Variants in SMARCA2 observed in about 807,000 individuals in gnomAD.
The protein encoded by SMARCA2 is SWI/SNF-related matrix-associated actin-dependent regulator of chromatin subfamily A member 2.
SMARCA2 carries 61 observed loss-of-function variants against 199.8 expected under a neutral mutation model. That is an observed-to-expected ratio of 0.31 (90% CI 0.25 to 0.38). The LOEUF is 0.38. SMARCA2 is among the 10% of genes least tolerant of loss of function. The pLI, the probability that SMARCA2 is intolerant of heterozygous loss-of-function variation, is 1.00. For missense variants in SMARCA2, 1,344 were observed against 2,012.2 expected, an observed-to-expected ratio of 0.67 and a Z score of 6.35; for synonymous variants, 935 against 732.0, an observed-to-expected ratio of 1.28 and a Z score of -4.48.
At chr9:2,019,793 G>T (rs1417147370) in intron 1 of SMARCA2, among the ~76,000 whole-genome samples, 1 of 151,146 alleles carries the variant, frequency 6.6e-6, no homozygotes, top group Non-Finnish European at 1.5e-5. Context: ...TATAAAAGTG[G>T]TGCTGTCCTC....
intron 32 of SMARCA2, 144 bp from the exon 33 acceptor site, chr9:2,191,122 C>T (rs1036844529): frequency 3.9e-6 from 3 of 767,682 alleles, no homozygotes; most frequent in African/African-American, 1.8e-5. Flanking sequence ...CTAGACAGAA[C>T]CACACAGAAC....
intron 26 of SMARCA2, among the ~76,000 whole-genome samples, chr9:2,121,975 A>C (rs1823480496): frequency 6.6e-6 from 1 of 152,230 alleles, no homozygotes; most frequent in Non-Finnish European, 1.5e-5. Context: ...TTATTCACAA[A>C]GTAACTAAAT....
At chr9:2,140,124 A>T (rs1394296751) in intron 27 of SMARCA2, among the ~76,000 whole-genome samples, 1 of 152,206 alleles carries the variant, frequency 6.6e-6, no homozygotes, top group Admixed American at 6.5e-5. Context: ...TGCATAGACC[A>T]AGACCAAGAG....
At chr9:2,053,819 A>G (rs1481253217) in intron 5 of SMARCA2, among the ~76,000 whole-genome samples, 10 of 152,194 alleles carry the variant, frequency 6.6e-5, no homozygotes, top group African/African-American at 2.4e-4. Context: ...TCCCAAGTGA[A>G]TGGCTAAAGT....
rs1390068771 is a variant in SMARCA2 at position 2,115,965 on chromosome 9, G to A, written c.3600G>A (p.Gln1200=). ...YKLNVDQKVI[Q]AGMFDQKSSS... is the part of the protein sequence containing the mutation. Reference sequence around the variant, plus strand: ...TGAACGTGGATCAGAAAGTGATCCAGGCGGGCATGTTTGACCAAAAGTCTT... The same window carrying A: ...TGAACGTGGATCAGAAAGTGATCCAAGCGGGCATGTTTGACCAAAAGTCTT... The change falls in exon 25 of 34, where the codon CAG becomes CAA. Residue 1200 remains glutamine (Q), a synonymous_variant. Transcript: ENST00000349721. The surrounding 1 kb of genome is among the most constrained non-coding windows in gnomAD (Gnocchi z 6.0). 6.2e-7 allele frequency: 1 copy of A among 1,614,142 alleles called. No homozygotes were observed. Among genetic ancestry groups the A allele is most frequent in the Admixed American group, 1.7e-5 (1 of 60,024 alleles).
At chr9:2,097,202 A>G in intron 20 of SMARCA2, 183 bp from the exon 21 acceptor site, 1 of 539,710 alleles carries the variant, frequency 1.9e-6, no homozygotes, top group Non-Finnish European at 3.3e-6. Flanking sequence ...TAATCACAAG[A>G]AAGACATTAT....
chr9:2,041,841 A>G (rs1357100061), intron 4 of SMARCA2: 1 of 154,024 alleles, frequency 6.5e-6, no homozygotes, highest in Non-Finnish European at 1.4e-5. Context: ...GATAGAAGAA[A>G]AAAGCACGTA....
chr9:2,102,675 C>G (rs1287007658), intron 22 of SMARCA2, among the ~76,000 whole-genome samples: 2 of 152,190 alleles, frequency 1.3e-5, no homozygotes, highest in African/African-American at 4.8e-5. Flanking sequence ...TCTTCTGCAT[C>G]TCATACTCCC....
rs1825006734 is a variant in SMARCA2 at position 2,150,501 on chromosome 9, G to A, written c.3982-11185G>A. The stretch of plus-strand genomic sequence containing the variant: ...GGCAGCGCAGGCAGCAGATGCTGTG[G>A]GTGGGGCAGTTTCCCTTAGATTATA... On this transcript the variant is annotated intron_variant, in intron 27 of 33. Transcript: ENST00000349721. 2.0e-5 allele frequency among the ~76,000 whole-genome samples: 3 copies of A among 151,564 alleles called. 1 individual carries two copies. Among genetic ancestry groups the A allele is most frequent in the Non-Finnish European group, 4.4e-5 (3 of 67,706 alleles).
intron 18 of SMARCA2, among the ~76,000 whole-genome samples, chr9:2,087,541 C>T (rs1052592772): frequency 6.6e-6 from 1 of 152,016 alleles, no homozygotes; most frequent in Non-Finnish European, 1.5e-5. Flanking sequence ...TTTCTGCAGA[C>T]CTTTTTTTTT....
intron 27 of SMARCA2, among the ~76,000 whole-genome samples, chr9:2,142,288 C>T (rs1317974850): frequency 6.6e-6 from 1 of 152,132 alleles, no homozygotes; most frequent in African/African-American, 2.4e-5. Context: ...AATCAGACAA[C>T]GTCAAGCAAA....
chr9:2,029,336 T>G, intron 2 of SMARCA2, 89 bp downstream of exon 2: 2 of 1,514,550 alleles, frequency 1.3e-6, no homozygotes, highest in African/African-American at 1.4e-5. Flanking sequence ...CTACTGTTGT[T>G]AACAAGAAAA....
Position 2,080,333 on chromosome 9 carries a change from C to T in SMARCA2, c.2185-1499C>T, listed in dbSNP as rs573716767. Among the ~76,000 whole-genome samples the T allele has an allele frequency of 3.3e-5, 5 of 152,338 alleles. No individual in the cohort carries two copies. In the East Asian group the frequency reaches 7.7e-4, roughly 23 times the overall value. ...TTCCAGCCTGAGAAAATCCAAATTA[C>T]TTCCCACAATTTTTGTGAATTTCTA... is the stretch of plus-strand genomic sequence containing the variant. On this transcript the variant is annotated intron_variant, in intron 14 of 33. Transcript: ENST00000349721.
Position 2,097,533 on chromosome 9 carries a change from AAAAC to A in SMARCA2, c.3078+72_3078+75del, listed in dbSNP as rs900222469. On this transcript the variant is annotated intron_variant, in intron 21 of 33. Transcript: ENST00000349721. ...TAATCATACTAATGCTAGTTAAAAA[AAAAC>A]AAACAAACAGGAAAAAAAAAAACCA... The A allele has an allele frequency of 2.0e-4, 205 of 1,031,476 alleles. 1 individual carries two copies. The highest frequency in any genetic ancestry group is 3.8e-4 in the Admixed American group (17 of 44,224). The allele number at this position is 1,031,476 out of a possible 1,614,324, so 63.9% of individuals were successfully genotyped here.
intron 27 of SMARCA2, among the ~76,000 whole-genome samples, chr9:2,143,830 C>T (rs539280498): frequency 6.6e-5 from 10 of 152,160 alleles, no homozygotes; most frequent in South Asian, 4.1e-4. Flanking sequence ...CAAAAAGAAG[C>T]GCAGGCTAGA....
chr9:2,124,632 G>A (rs1012184564), intron 27 of SMARCA2, among the ~76,000 whole-genome samples: 2 of 152,150 alleles, frequency 1.3e-5, no homozygotes, highest in Non-Finnish European at 2.9e-5. Context: ...CCTGGGACTC[G>A]GGTCACCGAT....
chr9:2,036,632 G>A (rs1000873618), intron 3 of SMARCA2, among the ~76,000 whole-genome samples: 3 of 152,028 alleles, frequency 2.0e-5, no homozygotes, highest in Non-Finnish European at 4.4e-5. Context: ...TACAAATTCT[G>A]GGAAATGATT....
In SMARCA2 at chr9:2,150,053, T is replaced by G. The variant is rs1341182618; in HGVS notation, c.3982-11633T>G. ...GTGTATTTATGTATGTGTACATACA[T>G]GTATGTGAGTACATGCGTCTGTATC... is the stretch of plus-strand genomic sequence containing the variant. On this transcript the variant is annotated intron_variant, in intron 27 of 33. Coordinates refer to ENST00000349721, the MANE Select transcript of SMARCA2 (RefSeq NM_003070.5). Among the ~76,000 whole-genome samples the G allele has an allele frequency of 2.6e-5, 4 of 151,580 alleles. 1 individual carries two copies. Among genetic ancestry groups the G allele is most frequent in the Admixed American group, 2.0e-4 (3 of 15,216 alleles).
intron 27 of SMARCA2, chr9:2,158,562 C>T (rs1825495963): frequency 1.2e-5 from 2 of 170,126 alleles, no homozygotes; most frequent in African/African-American, 2.4e-5. Flanking sequence ...GGGTTTGCTT[C>T]TGTGATTTAT....
Sources: gnomAD v4.1 joint callset for allele counts (sites outside exome capture counted in the v4.1 genomes callset) on GRCh38, gnomAD v4.1.1 for gene constraint, Gnocchi (gnomAD v3.1) non-coding constraint, MANE v1.5 for transcripts, NCBI Gene and HGNC (gene_info 2026-07-23, HGNC 2026-07-21) for gene names.